PEBP4: variants seen among roughly 807,000 people sequenced by gnomAD.
PEBP4 encodes phosphatidylethanolamine binding protein 4.
In PEBP4, 22 loss-of-function variants were observed where a neutral mutation model predicts 23.9. That is an observed-to-expected ratio of 0.92 (90% CI 0.66 to 1.31). PEBP4 has a LOEUF of 1.31. Ranked by LOEUF, PEBP4 falls within the 40% of genes most tolerant of loss-of-function variation. PEBP4 has a pLI of 0.00. For synonymous variants in PEBP4, 112 were observed against 99.3 expected, an observed-to-expected ratio of 1.13 and a Z score of -0.76; for missense variants, 324 against 281.7, an observed-to-expected ratio of 1.15 and a Z score of -1.07.
At chr8:22,833,457 G>A (rs1382913169) in intron 3 of PEBP4, among the ~76,000 whole-genome samples, 4 of 152,142 alleles carry the variant, frequency 2.6e-5, no homozygotes, top group Non-Finnish European at 2.9e-5. Flanking sequence ...TCGGCCTCCC[G>A]AGTAGCTGGG....
intron 4 of PEBP4, chr8:22,745,635 T>G (rs1805096579): frequency 6.6e-6 from 1 of 152,328 alleles, no homozygotes; most frequent in Admixed American, 6.5e-5. Context: ...CCTACTGTGT[T>G]GTGGCCACCA....
At chr8:22,939,809 C>T (rs1809585109) in intron 1 of PEBP4, among the ~76,000 whole-genome samples, 1 of 152,146 alleles carries the variant, frequency 6.6e-6, no homozygotes, top group Non-Finnish European at 1.5e-5. Context: ...TCCAAAGGTC[C>T]TGCTAGACCT....
chr8:22,877,883 C>T (rs995971325), intron 3 of PEBP4: 6 of 152,296 alleles, frequency 3.9e-5, no homozygotes, highest in African/African-American at 1.2e-4. Flanking sequence ...AACGGCTCCC[C>T]ACCCCACCAT....
At chr8:22,732,539 T>C (rs1018489298) in intron 4 of PEBP4, among the ~76,000 whole-genome samples, 3 of 152,058 alleles carry the variant, frequency 2.0e-5, no homozygotes, top group African/African-American at 7.3e-5. Flanking sequence ...CTGCACATCC[T>C]GCACATGTAC....
intron 6 of PEBP4, among the ~76,000 whole-genome samples, chr8:22,723,841 C>T (rs1804568430): frequency 6.6e-6 from 1 of 152,166 alleles, no homozygotes; most frequent in African/African-American, 2.4e-5. Flanking sequence ...AGGGCCCTGT[C>T]GCTCAACCTG....
rs565720106 is a variant in PEBP4, at chr8:22,910,618, G to A, written c.258+9566C>T. Among the ~76,000 whole-genome samples, 13 of 152,368 alleles carry A rather than the reference G, an allele frequency of 8.5e-5. No individual in the cohort carries two copies. The South Asian group carries it at 2.3e-3, about 27-fold the overall frequency. On this transcript the variant is annotated intron_variant, in intron 3 of 6. Transcript: ENST00000256404. ...ACTGCCCAATGGCTTGGCAACGATG[G>A]ACAGGGTTACAGAGCCCTTGTATAG...
At chr8:22,732,811 C>T (rs1804766651) in intron 4 of PEBP4, among the ~76,000 whole-genome samples, 1 of 152,160 alleles carries the variant, frequency 6.6e-6, no homozygotes, top group Non-Finnish European at 1.5e-5. Context: ...TTTGGAGGTG[C>T]TTCTGGGTTC....
chr8:22,812,009 A>G (rs1446495067), intron 4 of PEBP4, among the ~76,000 whole-genome samples: 5 of 152,226 alleles, frequency 3.3e-5, no homozygotes, highest in Non-Finnish European at 7.3e-5. Context: ...ATCTCATTGA[A>G]CGCTGGGAAA....
intron 3 of PEBP4, among the ~76,000 whole-genome samples, chr8:22,907,810 G>A (rs1808847296): frequency 6.6e-6 from 1 of 152,178 alleles, no homozygotes; most frequent in Non-Finnish European, 1.5e-5. Flanking sequence ...GTGGCAGGGA[G>A]ATGGGTTAGG....
chr8:22,761,430 C>A (rs1466783622), intron 4 of PEBP4, among the ~76,000 whole-genome samples: 1 of 152,156 alleles, frequency 6.6e-6, no homozygotes, highest in African/African-American at 2.4e-5. Context: ...GCGAGAAGAC[C>A]CCCCTGCAAG....
At chr8:22,884,428 G>C (rs549056928) in intron 3 of PEBP4, 2 of 152,338 alleles carry the variant, frequency 1.3e-5, no homozygotes, top group East Asian at 3.9e-4. Context: ...GAGCCTATTA[G>C]AATGTCAGGA....
rs144138872 is a variant in PEBP4 at position 22,802,252 on chromosome 8, G to A, written c.357+15385C>T. ...CTGATCTCTCCACACCAGCTCCACC[G>A]TGGTCTTTCTGGGTGGAGGTTGGCA... On this transcript the variant is annotated intron_variant, in intron 4 of 6. Transcript: ENST00000256404. Among the ~76,000 whole-genome samples, 56 of 152,324 alleles carry A rather than the reference G, an allele frequency of 3.7e-4. 3 individuals are homozygous for A. The East Asian group carries it at 6.2e-3, about 17-fold the overall frequency.
chr8:22,784,842 C>A (rs1026489183), intron 4 of PEBP4, among the ~76,000 whole-genome samples: 1 of 152,210 alleles, frequency 6.6e-6, no homozygotes, highest in Non-Finnish European at 1.5e-5. Flanking sequence ...GCCTCCCTTC[C>A]TTCGAGGTTA....
intron 3 of PEBP4, among the ~76,000 whole-genome samples, chr8:22,847,573 G>A (rs1219456939): frequency 2.6e-5 from 4 of 152,116 alleles, no homozygotes; most frequent in Admixed American, 2.0e-4. Flanking sequence ...GTCCCCCTCT[G>A]CTTCTCATAT....
intron 3 of PEBP4, among the ~76,000 whole-genome samples, chr8:22,879,639 TC>T (rs1444910249): frequency 6.6e-6 from 1 of 152,178 alleles, no homozygotes; most frequent in African/African-American, 2.4e-5. Flanking sequence ...CACCACGTTA[TC>T]CCACGAGGGT....
chr8:22,821,476 A>G (rs1464708400), intron 3 of PEBP4, among the ~76,000 whole-genome samples: 1 of 152,144 alleles, frequency 6.6e-6, no homozygotes, highest in African/African-American at 2.4e-5. Context: ...AGCCATGGAT[A>G]TTAGGGGTAG....
At chr8:22,833,657 G>C (rs1807135093) in intron 3 of PEBP4, among the ~76,000 whole-genome samples, 1 of 152,178 alleles carries the variant, frequency 6.6e-6, no homozygotes, top group Non-Finnish European at 1.5e-5. Context: ...GCACTCTCTT[G>C]TCCTTGAGTA....
intron 4 of PEBP4, among the ~76,000 whole-genome samples, chr8:22,785,436 A>G (rs1239289937): frequency 1.3e-5 from 2 of 152,092 alleles, no homozygotes; most frequent in Non-Finnish European, 1.5e-5. Flanking sequence ...ATGTCCTCCA[A>G]TGTGTCCTCT....
At chr8:22,872,826 G>T (rs975861476) in intron 3 of PEBP4, among the ~76,000 whole-genome samples, 1 of 152,086 alleles carries the variant, frequency 6.6e-6, no homozygotes, top group Non-Finnish European at 1.5e-5. Context: ...ACAGGCATGC[G>T]CCACCACGCC....
Sources: allele counts gnomAD v4.1 joint callset (sites outside exome capture counted in the v4.1 genomes callset), GRCh38; gene constraint gnomAD v4.1.1; transcripts MANE v1.5; gene names NCBI Gene and HGNC (gene_info 2026-07-23, HGNC 2026-07-21).